DNAJB1: variants seen among roughly 807,000 people sequenced by gnomAD.
The protein encoded by DNAJB1 is dnaJ homolog subfamily B member 1.
In DNAJB1, 14 loss-of-function variants were observed where a neutral mutation model predicts 24.0. The observed-to-expected ratio is 0.58, with a 90% CI of 0.39 to 0.91. The LOEUF (loss-of-function observed/expected upper bound fraction) is 0.91, where lower values mean the gene tolerates loss of function less well. DNAJB1 is among the 40% of genes least tolerant of loss of function. The pLI, the probability that DNAJB1 is intolerant of heterozygous loss-of-function variation, is 0.00. For missense variants in DNAJB1, 517 were observed against 458.1 expected (o/e 1.13, Z -1.17); for synonymous variants, 262 against 174.4 (o/e 1.50, Z -3.96).
At chr19:14,557,504 T>G (rs1333092004) in intron 1 of DNAJB1, among the ~76,000 whole-genome samples, 1 of 149,938 alleles carries the variant, frequency 6.7e-6, no homozygotes, top group East Asian at 2.0e-4. Flanking sequence ...CAGGCTGGAG[T>G]GCAGTGGTGC....
At chr19:14,558,829 G>A (rs936572989) in intron 1 of DNAJB1, among the ~76,000 whole-genome samples, 12 of 152,126 alleles carry the variant, frequency 7.9e-5, no homozygotes, top group African/African-American at 2.9e-4. Context: ...CTGCCTCACC[G>A]CTTCTCCTGG....
At chr19:14,526,579 G>A (rs141801758) in intron 2 of DNAJB1, among the ~76,000 whole-genome samples, 236 of 152,260 alleles carry the variant, frequency 1.5e-3, no homozygotes, top group African/African-American at 5.2e-3. Context: ...CGGTTGACAC[G>A]CAGCATAGTA....
chr19:14,550,085 T>A (rs908874337), intron 1 of DNAJB1, among the ~76,000 whole-genome samples: 1 of 152,116 alleles, frequency 6.6e-6, no homozygotes, highest in Non-Finnish European at 1.5e-5. Flanking sequence ...TGTCACTCTT[T>A]CTTTGCCAAG....
chr19:14,518,047 T>TC, intron 1 of DNAJB1, 92 bp downstream of exon 1: 1 of 1,304,186 alleles, frequency 7.7e-7, no homozygotes, highest in East Asian at 3.1e-5. Context: ...GCCCGGGGCG[T>TC]CCTTCCCGGG....
At chr19:14,522,442 G>T (rs2072370725), upstream of DNAJB1, among the ~76,000 whole-genome samples, 1 of 145,558 alleles carries the variant, frequency 6.9e-6, no homozygotes, top group Non-Finnish European at 1.5e-5. Flanking sequence ...CCAAGATCAG[G>T]CCGCTGCACT....
intron 1 of DNAJB1, 164 bp downstream of exon 1, chr19:14,517,975 G>A (rs926432430): frequency 7.5e-6 from 5 of 666,788 alleles, no homozygotes; most frequent in East Asian, 3.4e-5. Context: ...CTCCCACCGC[G>A]CGGCCGCCAA....
At chr19:14,551,425 C>T (rs1419510590), upstream of DNAJB1, among the ~76,000 whole-genome samples, 3 of 152,104 alleles carry the variant, frequency 2.0e-5, no homozygotes, top group Non-Finnish European at 4.4e-5. Flanking sequence ...GCACAGGCTG[C>T]AGGAATTCCC....
upstream of DNAJB1, among the ~76,000 whole-genome samples, chr19:14,519,775 G>T (rs1453681044): frequency 6.6e-6 from 1 of 152,120 alleles, no homozygotes; most frequent in African/African-American, 2.4e-5. Context: ...AATTTGGGGG[G>T]ACATAGGTGT....
chr19:14,544,248 T>A (rs187192002), intron 1 of DNAJB1, among the ~76,000 whole-genome samples: 50 of 151,908 alleles, frequency 3.3e-4, no homozygotes, highest in African/African-American at 1.2e-3. Flanking sequence ...CATGTTTGAG[T>A]TCTCCACACA....
upstream of DNAJB1, among the ~76,000 whole-genome samples, chr19:14,523,033 G>GTGAAAACC (rs140079312): frequency 1.3e-5 from 2 of 151,244 alleles, no homozygotes; most frequent in African/African-American, 2.4e-5. Context: ...GTCCAACGTG[G>GTGAAAACC]TGTCTCTACT....
At position 14,515,750 on chromosome 19, in the gene DNAJB1, T is replaced by C; in HGVS notation, c.*190A>G. 8 of 585,148 alleles carry C rather than the reference T, an allele frequency of 1.4e-5. No homozygotes were observed. The highest frequency in any genetic ancestry group is 2.3e-5 in the South Asian group (1 of 43,168). The allele number at this position is 585,148 out of a possible 1,614,324, so 36.2% of individuals were successfully genotyped here. ...GCTGTTCCCACCACCTGATGCCCTATAGCTCGAAAAACCACTGAAGTCTAG... is the reference window on the plus strand; with the variant it reads ...GCTGTTCCCACCACCTGATGCCCTACAGCTCGAAAAACCACTGAAGTCTAG... On this transcript the variant is annotated 3_prime_UTR_variant, in exon 3 of 3. Coordinates refer to ENST00000254322, the MANE Select transcript of DNAJB1 (RefSeq NM_006145.3).
chr19:14,529,426 T>C (rs2146541118), upstream of DNAJB1: 2 of 612,078 alleles, frequency 3.3e-6, no homozygotes, highest in Non-Finnish European at 5.9e-6. Flanking sequence ...CTACAGGCGT[T>C]CCGCCCCCTT....
intron 1 of DNAJB1, among the ~76,000 whole-genome samples, chr19:14,538,053 G>T (rs2072967257): frequency 6.6e-6 from 1 of 152,148 alleles, no homozygotes; most frequent in African/African-American, 2.4e-5. Flanking sequence ...CAGTGTGAGT[G>T]CTTCTTATCT....
At chr19:14,532,165 T>C (rs551214244), upstream of DNAJB1, 12 of 152,278 alleles carry the variant, frequency 7.9e-5, no homozygotes, top group African/African-American at 2.2e-4. Context: ...GTGCTTTTGT[T>C]CCAGGAAGCT....
intron 1 of DNAJB1, among the ~76,000 whole-genome samples, chr19:14,535,580 ATATATATATG>A (rs1568396683): frequency 3.7e-4 from 14 of 38,216 alleles, no homozygotes; most frequent in South Asian, 3.1e-3. Flanking sequence ...ATATATATAT[ATATATATATG>A]TATGTATATA....
chr19:14,524,630 G>T, intron 2 of DNAJB1, among the ~76,000 whole-genome samples: 1 of 151,676 alleles, frequency 6.6e-6, no homozygotes, highest in East Asian at 1.9e-4. Flanking sequence ...TGGATCCCTT[G>T]AAGTCAGGAG....
chr19:14,518,331 G>T lies in DNAJB1; in HGVS notation c.19C>A (p.Gln7Lys). Reference sequence around the variant, plus strand: ...GCGCCGCGGGCCAGGCCCAACGTCTGGTAGTAGTCTTTACCCATGACCCCC... The same window carrying T: ...GCGCCGCGGGCCAGGCCCAACGTCTTGTAGTAGTCTTTACCCATGACCCCC... MGKDYYQTLGLARGASD... is the reference protein window; with the variant it reads MGKDYYKTLGLARGASD... The change falls in exon 1 of 3, where the codon CAG becomes AAG. Residue 7 changes from glutamine to lysine, a missense_variant. By Grantham distance (53) the Gln-to-Lys change is moderately conservative. Transcript: ENST00000254322. The T allele has an allele frequency of 6.3e-7, 1 of 1,593,226 alleles. No individual in the cohort carries two copies. The highest frequency in any genetic ancestry group is 8.5e-7 in the Non-Finnish European group (1 of 1,174,542).
intron 1 of DNAJB1, among the ~76,000 whole-genome samples, chr19:14,542,756 C>T (rs1293714523): frequency 1.3e-5 from 2 of 151,962 alleles, no homozygotes; most frequent in Non-Finnish European, 2.9e-5. Flanking sequence ...GGGAGCAGAG[C>T]GACTCACCCC....
At chr19:14,535,743 TG>T (rs1316145381) in intron 1 of DNAJB1, among the ~76,000 whole-genome samples, 2 of 95,550 alleles carry the variant, frequency 2.1e-5, no homozygotes, top group African/African-American at 8.9e-5. Context: ...GGCAACAGAG[TG>T]AGACTCTGTC....
Sources: allele counts gnomAD v4.1 joint callset (sites outside exome capture counted in the v4.1 genomes callset), GRCh38; gene constraint gnomAD v4.1.1; transcripts MANE v1.5; gene names NCBI Gene and HGNC (gene_info 2026-07-23, HGNC 2026-07-21).